Variants in LPGAT1 observed in about 807,000 individuals in gnomAD.
The protein encoded by LPGAT1 is lysophosphatidylglycerol acyltransferase 1.
Under a neutral mutation model 47.5 loss-of-function variants are expected in LPGAT1, and 11 were observed. The observed-to-expected ratio is 0.23, with a 90% confidence interval of 0.15 to 0.38. LPGAT1 has a LOEUF of 0.38. LPGAT1 is among the 10% of genes least tolerant of loss of function. LPGAT1 has a pLI of 1.00. For synonymous variants in LPGAT1, 138 were observed against 144.2 expected (o/e 0.96, Z 0.31); for missense variants, 293 against 439.0 (o/e 0.67, Z 2.97).
chr1:211,820,142 G>A (rs1660319860), intron 2 of LPGAT1, among the ~76,000 whole-genome samples: 1 of 152,092 alleles, frequency 6.6e-6, no homozygotes, highest in Non-Finnish European at 1.5e-5. Flanking sequence ...GAAGACTTGT[G>A]GCCACACAGA....
At chr1:211,823,880 C>A (rs760421698) in intron 2 of LPGAT1, among the ~76,000 whole-genome samples, 3 of 148,910 alleles carry the variant, frequency 2.0e-5, no homozygotes, top group Non-Finnish European at 4.4e-5. Flanking sequence ...TTCAAGGCTG[C>A]AGTGAGCTAA....
chr1:211,825,469 TTC>T (rs1488564103), intron 2 of LPGAT1, among the ~76,000 whole-genome samples: 1 of 152,174 alleles, frequency 6.6e-6, no homozygotes, highest in African/African-American at 2.4e-5. Context: ...TATGAAATCT[TTC>T]TCTGACATTT....
intron 3 of LPGAT1, among the ~76,000 whole-genome samples, chr1:211,790,813 A>C (rs886163916): frequency 1.3e-5 from 2 of 152,218 alleles, no homozygotes; most frequent in Non-Finnish European, 2.9e-5. Flanking sequence ...ATCTATGCCA[A>C]ACTGGTGTTA....
chr1:211,809,955 A>C (rs970166237), intron 2 of LPGAT1, among the ~76,000 whole-genome samples: 1 of 152,152 alleles, frequency 6.6e-6, no homozygotes, highest in African/African-American at 2.4e-5. Context: ...GTACAACATG[A>C]ATACCTCTCT....
chr1:211,758,263 G>C (rs1657546795), intron 6 of LPGAT1, among the ~76,000 whole-genome samples: 1 of 152,224 alleles, frequency 6.6e-6, no homozygotes, highest in Non-Finnish European at 1.5e-5. Flanking sequence ...TTGAGTCAGT[G>C]AATGATTGAA....
intron 2 of LPGAT1, among the ~76,000 whole-genome samples, chr1:211,828,843 C>T (rs2102616187): frequency 6.6e-6 from 1 of 152,230 alleles, no homozygotes; most frequent in East Asian, 1.9e-4. Flanking sequence ...AATAAAAACA[C>T]TAAGAAATTT....
At chr1:211,790,486 C>T (rs985641152) in intron 3 of LPGAT1, among the ~76,000 whole-genome samples, 4 of 152,190 alleles carry the variant, frequency 2.6e-5, no homozygotes, top group Non-Finnish European at 4.4e-5. Context: ...AACATTCCTA[C>T]TAGTGAATAC....
At chr1:211,779,091 T>C (rs942664683) in intron 5 of LPGAT1, 47 bp from the exon 6 acceptor site, 1 of 1,457,446 alleles carries the variant, frequency 6.9e-7, no homozygotes, top group Non-Finnish European at 9.2e-7. Flanking sequence ...ACTTTTATAT[T>C]ATCTGCAGCA....
At chr1:211,783,627 C>T in intron 4 of LPGAT1, 125 bp from the exon 5 acceptor site, 1 of 783,036 alleles carries the variant, frequency 1.3e-6, no homozygotes, top group Non-Finnish European at 1.9e-6. Context: ...ATTCCCCCAC[C>T]CCACCCCAAC....
chr1:211,817,342 C>G (rs1319536129), intron 2 of LPGAT1, among the ~76,000 whole-genome samples: 3 of 152,154 alleles, frequency 2.0e-5, no homozygotes, highest in Non-Finnish European at 4.4e-5. Flanking sequence ...GAGGCAGAGG[C>G]AGGTGGATCA....
chr1:211,792,336 T>G (rs1455726196), intron 3 of LPGAT1: 1 of 151,756 alleles, frequency 6.6e-6, no homozygotes, highest in Non-Finnish European at 1.5e-5. Context: ...CCCAAACTCC[T>G]GGGCTCAAGC....
In LPGAT1 at chr1:211,747,734, G is replaced by C. The variant is rs1656998907; in HGVS notation, c.*2165C>G. 6.6e-6 allele frequency: 1 copy of C among 152,022 alleles called. No homozygotes were observed. 9.4% of individuals were successfully genotyped at this position (152,022 alleles called of 1,614,324 possible). On this transcript the variant is annotated 3_prime_UTR_variant, in exon 8 of 8. Coordinates refer to ENST00000366997, the MANE Select transcript of LPGAT1 (RefSeq NM_014873.3). ...TCCAGTAATTTAGTGGTGCTTGCTGGGCCTCAAACAGAAGCATCATTAAGC... is the reference window on the plus strand; with the variant it reads ...TCCAGTAATTTAGTGGTGCTTGCTGCGCCTCAAACAGAAGCATCATTAAGC...
intron 2 of LPGAT1, among the ~76,000 whole-genome samples, chr1:211,825,188 CTTTTTTTTTTTT>C (rs953536979): frequency 4.2e-5 from 3 of 70,860 alleles, no homozygotes; most frequent in African/African-American, 5.8e-5. Flanking sequence ...GCACAGTCTT[CTTTTTTTTTTTT>C]TTTTTTTTTT....
intron 2 of LPGAT1, among the ~76,000 whole-genome samples, chr1:211,801,477 G>A (rs966521946): frequency 7.2e-5 from 11 of 152,070 alleles, no homozygotes; most frequent in African/African-American, 2.4e-4. Context: ...CACTAAGGCC[G>A]AGGTGGGAGG....
Position 211,749,579 on chromosome 1 carries a change from G to C in LPGAT1, c.*320C>G, listed in dbSNP as rs1377858165. 1 of 291,588 alleles carries C rather than the reference G, an allele frequency of 3.4e-6. No homozygotes were observed. Among genetic ancestry groups the C allele is most frequent in the Non-Finnish European group, 6.4e-6 (1 of 156,478 alleles). 18.1% of individuals were successfully genotyped at this position (291,588 alleles called of 1,614,324 possible). ...TTCAACTAAATTGTCAAGTATAACT[G>C]GTGGCAACAGAATTTCTCTCAGATA... On this transcript the variant is annotated 3_prime_UTR_variant, in exon 8 of 8. Transcript: ENST00000366997.
intron 6 of LPGAT1, among the ~76,000 whole-genome samples, chr1:211,757,689 G>C (rs994973496): frequency 6.6e-6 from 1 of 152,182 alleles, no homozygotes. Context: ...TGAAGACGCT[G>C]TTAATATCAA....
At chr1:211,820,363 T>C (rs1011135359) in intron 2 of LPGAT1, among the ~76,000 whole-genome samples, 1 of 150,998 alleles carries the variant, frequency 6.6e-6, no homozygotes, top group Non-Finnish European at 1.5e-5. Flanking sequence ...CAGAGTACAC[T>C]AAAAAAAAAT....
chr1:211,813,240 G>A (rs1029741725), intron 2 of LPGAT1, among the ~76,000 whole-genome samples: 1 of 152,074 alleles, frequency 6.6e-6, no homozygotes. Context: ...CTCTACGAAT[G>A]CATTAAAAGG....
In LPGAT1 at chr1:211,783,636, A is replaced by G. The variant is rs1240205920; in HGVS notation, c.454-134T>C. ...ATAGTGATTCCCCCACCCCACCCCA[A>G]CTTACTGCCCTTTTTGACCACAGGG... is the stretch of plus-strand genomic sequence containing the variant. On this transcript the variant is annotated intron_variant, in intron 4 of 7. Coordinates refer to ENST00000366997, the MANE Select transcript of LPGAT1 (RefSeq NM_014873.3). The G allele has an allele frequency of 6.0e-6, 4 of 668,702 alleles. No individual in the cohort carries two copies. In the Admixed American group the frequency reaches 1.3e-4, roughly 22 times the overall value. 41.4% of individuals were successfully genotyped at this position (668,702 alleles called of 1,614,324 possible).
Sources: allele counts gnomAD v4.1 joint callset (sites outside exome capture counted in the v4.1 genomes callset), GRCh38; gene constraint gnomAD v4.1.1; transcripts MANE v1.5; gene names NCBI Gene and HGNC (gene_info 2026-07-23, HGNC 2026-07-21).